Variants in ZCCHC8 observed in about 807,000 individuals in gnomAD.
ZCCHC8 encodes the protein zinc finger CCHC-type containing 8.
In ZCCHC8, 27 loss-of-function variants were observed where a neutral mutation model predicts 70.6. The ratio of observed to expected loss-of-function variants is 0.38; its 90% confidence interval spans 0.28 to 0.53. The LOEUF is 0.53. ZCCHC8 is among the 20% of genes least tolerant of loss of function. The pLI is 0.81. For synonymous variants in ZCCHC8, 293 were observed against 317.4 expected, an observed-to-expected ratio of 0.92 and a Z score of 0.82; for missense variants, 737 against 876.9, an observed-to-expected ratio of 0.84 and a Z score of 2.01.
chr12:122,497,500 CCACTG>C (rs1257348674), intron 2 of ZCCHC8, among the ~76,000 whole-genome samples: 4 of 151,830 alleles, frequency 2.6e-5, no homozygotes, highest in Non-Finnish European at 5.9e-5. Context: ...TGAGATAGTA[CCACTG>C]CAGTCTAGCC....
rs1375692015 is a variant in ZCCHC8 at position 122,500,663 on chromosome 12, T to C, written c.178A>G (p.Ile60Val). 1 of 1,579,710 alleles carries C rather than the reference T, an allele frequency of 6.3e-7. No homozygotes were observed. Among genetic ancestry groups the C allele is most frequent in the Non-Finnish European group, 8.6e-7 (1 of 1,163,976 alleles). ...ATATTCTCGGCGCGGAGCTGCTCGA[T>C]GGTCTCCTCGCACTGCCGAAGCCGC... ...RERLRQCEETIEQLRAENQEL... is the reference protein window; with the variant it reads ...RERLRQCEETVEQLRAENQEL... Residue 60 changes from isoleucine (I) to valine (V), a missense_variant, in exon 1 of 14, where the codon ATC becomes GTC. Transcript: ENST00000633063. This position sits in a 1 kb window ranked among gnomAD's most constrained non-coding sequence, Gnocchi z 4.8.
chr12:122,478,049 T>C (rs578026119), intron 12 of ZCCHC8, 91 bp from the exon 13 acceptor site: 1 of 1,242,642 alleles, frequency 8.0e-7, no homozygotes, highest in South Asian at 1.2e-5. Context: ...AGAAAAACAA[T>C]CTGGAGTTAA....
At chr12:122,488,790 G>A (rs1957689971) in intron 5 of ZCCHC8, among the ~76,000 whole-genome samples, 1 of 150,598 alleles carries the variant, frequency 6.6e-6, no homozygotes, top group Non-Finnish European at 1.5e-5. Flanking sequence ...AGAATTGCTT[G>A]AACCCGGGAG....
chr12:122,489,560 T>A, intron 4 of ZCCHC8, 97 bp from the exon 5 acceptor site: 1 of 1,097,562 alleles, frequency 9.1e-7, no homozygotes. Flanking sequence ...AGAATGTTTA[T>A]GAACGACATT....
chr12:122,495,752 G>A (rs1199586239), intron 2 of ZCCHC8, among the ~76,000 whole-genome samples: 1 of 150,276 alleles, frequency 6.7e-6, no homozygotes, highest in Non-Finnish European at 1.5e-5. Context: ...GGAGGCTGAG[G>A]CAGGAGAATC....
intron 3 of ZCCHC8, among the ~76,000 whole-genome samples, chr12:122,491,254 T>A (rs117426925): frequency 0.015 from 2,237 of 152,318 alleles, 27 homozygotes; most frequent in Non-Finnish European, 0.024. Context: ...GACTTGATGA[T>A]TTTTTAGGTA....
chr12:122,481,863 G>T, intron 9 of ZCCHC8, 82 bp downstream of exon 9: 1 of 1,510,482 alleles, frequency 6.6e-7, no homozygotes, highest in Non-Finnish European at 8.9e-7. Context: ...CTTATATCCT[G>T]ATAATTAGCC....
At chr12:122,476,841 G>A (rs1341283856) in intron 13 of ZCCHC8, among the ~76,000 whole-genome samples, 1 of 151,834 alleles carries the variant, frequency 6.6e-6, no homozygotes, top group African/African-American at 2.4e-5. Context: ...TGGCTAACAC[G>A]GAGAAACTCC....
At chr12:122,478,053 G>A (rs1957454535) in intron 12 of ZCCHC8, 95 bp from the exon 13 acceptor site, 2 of 1,227,162 alleles carry the variant, frequency 1.6e-6, no homozygotes, top group Admixed American at 1.9e-5. Context: ...AAACAATCTG[G>A]AGTTAAGTCT....
In ZCCHC8 at chr12:122,477,850, G is replaced by A; in HGVS notation, c.1336C>T (p.Leu446Phe). The part of the protein sequence containing the change: ...NSAGSPADME[L>F]DSDMEVPHGS... ...ATAGGATGAAACCTACCTGAATCGAGCTCCATGTCGGCGGGAGATCCCGCT... is the reference window on the plus strand; with the variant it reads ...ATAGGATGAAACCTACCTGAATCGAACTCCATGTCGGCGGGAGATCCCGCT... Residue 446 changes from leucine to phenylalanine, a missense_variant, in exon 13 of 14, where the codon CTC (leucine) becomes TTC (phenylalanine). Transcript: ENST00000633063. 6.2e-7 allele frequency: 1 copy of A among 1,610,602 alleles called. No individual in the cohort carries two copies.
chr12:122,499,228 T>G, intron 1 of ZCCHC8: 1 of 264,052 alleles, frequency 3.8e-6, no homozygotes, highest in Non-Finnish European at 7.3e-6. Context: ...ACTTTAGAAT[T>G]TGGAATAAAT....
chr12:122,484,799 A>G (rs1957602896), intron 5 of ZCCHC8, among the ~76,000 whole-genome samples: 1 of 152,118 alleles, frequency 6.6e-6, no homozygotes, highest in South Asian at 2.1e-4. Flanking sequence ...AATGACCTCC[A>G]TGCAGCCAAA....
chr12:122,499,138 A>C (rs1957875352), intron 1 of ZCCHC8: 2 of 488,828 alleles, frequency 4.1e-6, no homozygotes, highest in Middle Eastern at 5.6e-4. Context: ...CAAAACCATT[A>C]TTGAAGCATC....
In ZCCHC8 at chr12:122,483,822, A is replaced by G. The variant is rs1957583068; in HGVS notation, c.502-259T>C. 1.1e-5 allele frequency: 4 copies of G among 353,430 alleles called. 1 individual carries two copies. The South Asian group carries it at 2.0e-4, about 18-fold the overall frequency. 21.9% of individuals were successfully genotyped at this position (353,430 alleles called of 1,614,324 possible). A position where few individuals can be genotyped will look rare whatever the true frequency, so the allele number is the denominator to read the frequency against. On this transcript the variant is annotated intron_variant, in intron 5 of 13. Coordinates refer to ENST00000633063, the MANE Select transcript of ZCCHC8 (RefSeq NM_017612.5). The surrounding 1 kb of genome is among the most constrained non-coding windows in gnomAD (Gnocchi z 4.4). ...ATTCTCTACAGAATTCAAACAAAAA[A>G]TGAAAACCTTGACTCTCATATTTCC...
intron 13 of ZCCHC8, among the ~76,000 whole-genome samples, chr12:122,475,150 C>A (rs1415830457): frequency 6.6e-6 from 1 of 152,154 alleles, no homozygotes; most frequent in Non-Finnish European, 1.5e-5. Context: ...CGGGTTCAAG[C>A]AGTTCTTCTG....
chr12:122,478,934 G>A (rs146143211), intron 11 of ZCCHC8, among the ~76,000 whole-genome samples: 1 of 152,142 alleles, frequency 6.6e-6, no homozygotes, highest in African/African-American at 2.4e-5. Context: ...AGCACTGATG[G>A]TTTGTATCAT....
chr12:122,486,404 G>A (rs1297145080), intron 5 of ZCCHC8, among the ~76,000 whole-genome samples: 2 of 122,466 alleles, frequency 1.6e-5, no homozygotes, highest in African/African-American at 6.9e-5. Context: ...CAGAGCGAGA[G>A]GCTGTCTCAA....
chr12:122,482,517 CA>C (rs1299981314), intron 8 of ZCCHC8, 117 bp downstream of exon 8: 1 of 657,522 alleles, frequency 1.5e-6, no homozygotes, highest in African/African-American at 1.9e-5. Context: ...TTAAAGGACA[CA>C]AGATTTCAAA....
chr12:122,479,779 A>G (rs1230540891), intron 11 of ZCCHC8, among the ~76,000 whole-genome samples: 1 of 152,256 alleles, frequency 6.6e-6, no homozygotes, highest in Non-Finnish European at 1.5e-5. Context: ...CTATAAAAGA[A>G]ATTAAAAATG....
Sources: allele counts gnomAD v4.1 joint callset (sites outside exome capture counted in the v4.1 genomes callset), GRCh38; gene constraint gnomAD v4.1.1; non-coding constraint Gnocchi (gnomAD v3.1); transcripts MANE v1.5; gene names NCBI Gene and HGNC (gene_info 2026-07-23, HGNC 2026-07-21).